Variants in ATRNL1 observed in about 807,000 individuals in gnomAD.
ATRNL1 encodes attractin-like protein 1.
A neutral mutation model predicts 182.7 loss-of-function variants in ATRNL1; 95 were observed. The observed-to-expected ratio is 0.52, with a 90% CI of 0.44 to 0.62. The LOEUF (loss-of-function observed/expected upper bound fraction) is 0.62, where lower values mean the gene tolerates loss of function less well. Ranked by LOEUF, ATRNL1 falls within the 20% of genes least tolerant of loss-of-function variation. The pLI is 0.00. For synonymous variants in ATRNL1, 576 were observed against 568.3 expected (o/e 1.01, Z -0.19); for missense variants, 1,471 against 1,679.5 (o/e 0.88, Z 2.17).
At chr10:115,148,107 G>C (rs541320145) in intron 5 of ATRNL1, among the ~76,000 whole-genome samples, 1 of 152,208 alleles carries the variant, frequency 6.6e-6, no homozygotes, top group Admixed American at 6.5e-5. Flanking sequence ...CCATTTGTTT[G>C]TGTCCTCTTC....
intron 26 of ATRNL1, among the ~76,000 whole-genome samples, chr10:115,562,841 G>A (rs1164444181): frequency 1.3e-5 from 2 of 152,054 alleles, no homozygotes; most frequent in Non-Finnish European, 2.9e-5. Context: ...GCACAAATTG[G>A]GCTTAAGTTC....
chr10:115,488,241 G>A (rs1849122237), intron 24 of ATRNL1, among the ~76,000 whole-genome samples: 1 of 152,176 alleles, frequency 6.6e-6, no homozygotes, highest in African/African-American at 2.4e-5. Context: ...CTCTTAAAAT[G>A]AGTTAGGGAG....
chr10:115,730,258 A>C (rs1406419255), intron 27 of ATRNL1, among the ~76,000 whole-genome samples: 2 of 55,678 alleles, frequency 3.6e-5, no homozygotes, highest in African/African-American at 6.5e-5. Flanking sequence ...CTCCTCAAAA[A>C]AAAAAAAAAA....
intron 1 of ATRNL1, among the ~76,000 whole-genome samples, chr10:115,099,722 TC>T (rs1843691764): frequency 6.6e-6 from 1 of 152,226 alleles, no homozygotes; most frequent in Admixed American, 6.5e-5. Context: ...TTACTTGCCA[TC>T]CGTATATCTT....
At chr10:115,150,724 A>T (rs1846185527) in intron 5 of ATRNL1, among the ~76,000 whole-genome samples, 2 of 151,712 alleles carry the variant, frequency 1.3e-5, no homozygotes, top group South Asian at 4.1e-4. Context: ...ATTTTTTTTG[A>T]AGTTTTTTTA....
intron 24 of ATRNL1, among the ~76,000 whole-genome samples, chr10:115,479,429 C>T (rs1196820325): frequency 2.0e-5 from 3 of 151,538 alleles, no homozygotes; most frequent in South Asian, 2.1e-4. Flanking sequence ...GCCATTTAAA[C>T]ATATTATTTG....
At chr10:115,591,568 A>G (rs1404460336) in intron 26 of ATRNL1, among the ~76,000 whole-genome samples, 1 of 152,188 alleles carries the variant, frequency 6.6e-6, no homozygotes, top group Non-Finnish European at 1.5e-5. Context: ...ATCATTTTTA[A>G]CCCATGTTAC....
chr10:115,843,701 T>C (rs1249092167), intron 27 of ATRNL1, among the ~76,000 whole-genome samples: 1 of 152,056 alleles, frequency 6.6e-6, no homozygotes, highest in Admixed American at 6.6e-5. Context: ...ATGTAGGGAA[T>C]GTCATTTTGG....
intron 27 of ATRNL1, among the ~76,000 whole-genome samples, chr10:115,834,645 T>G (rs1950629070): frequency 6.6e-6 from 1 of 152,192 alleles, no homozygotes; most frequent in Non-Finnish European, 1.5e-5. Context: ...TGTTGTCGGA[T>G]TTGGAATCTG....
chr10:115,841,614 C>A (rs1024114052), intron 27 of ATRNL1, among the ~76,000 whole-genome samples: 5 of 152,182 alleles, frequency 3.3e-5, no homozygotes, highest in Admixed American at 2.0e-4. Flanking sequence ...GCTTCTAATG[C>A]AATTTAACCC....
chr10:115,479,239 T>C (rs1366775416), intron 24 of ATRNL1, among the ~76,000 whole-genome samples: 1 of 151,628 alleles, frequency 6.6e-6, no homozygotes, highest in Non-Finnish European at 1.5e-5. Flanking sequence ...GTTCCTAAAT[T>C]ATATGTGTTG....
chr10:115,134,870 G>A (rs1290839699), intron 5 of ATRNL1, among the ~76,000 whole-genome samples: 6 of 152,252 alleles, frequency 3.9e-5, no homozygotes, highest in African/African-American at 1.4e-4. Context: ...GAGATGCAAG[G>A]CTAGTTCAAC....
intron 17 of ATRNL1, among the ~76,000 whole-genome samples, chr10:115,305,758 G>A (rs116212221): frequency 0.012 from 1,787 of 152,206 alleles, 34 homozygotes; most frequent in African/African-American, 0.04. Flanking sequence ...TTAGAAATGC[G>A]TATTTAGGTG....
intron 1 of ATRNL1, among the ~76,000 whole-genome samples, chr10:115,094,351 A>C (rs1353016139): frequency 6.6e-6 from 1 of 152,208 alleles, no homozygotes; most frequent in African/African-American, 2.4e-5. Context: ...TTTCACAATC[A>C]GTTATGATGC....
At chr10:115,170,204 C>T (rs1847234854) in intron 7 of ATRNL1, among the ~76,000 whole-genome samples, 1 of 152,090 alleles carries the variant, frequency 6.6e-6, no homozygotes. Context: ...TATCTTGTTC[C>T]TGACCTTAGG....
chr10:115,839,458 A>T (rs1392838983), intron 27 of ATRNL1, among the ~76,000 whole-genome samples: 1 of 152,146 alleles, frequency 6.6e-6, no homozygotes, highest in East Asian at 1.9e-4. Flanking sequence ...GCCTCTTCTC[A>T]TCCCTCTTTA....
chr10:115,563,666 T>G (rs1592857930), intron 26 of ATRNL1, among the ~76,000 whole-genome samples: 1 of 152,182 alleles, frequency 6.6e-6, no homozygotes, highest in African/African-American at 2.4e-5. Context: ...TTTCTGAAAA[T>G]AAATTTAGTC....
At chr10:115,522,251 G>A (rs1437831152) in intron 25 of ATRNL1, among the ~76,000 whole-genome samples, 2 of 152,174 alleles carry the variant, frequency 1.3e-5, no homozygotes, top group East Asian at 1.9e-4. Context: ...TGTGCTGGCT[G>A]TACAAGAAGT....
intron 26 of ATRNL1, among the ~76,000 whole-genome samples, chr10:115,567,977 G>T (rs1420442820): frequency 6.6e-6 from 1 of 151,958 alleles, no homozygotes; most frequent in Non-Finnish European, 1.5e-5. Flanking sequence ...TTATCTAGTT[G>T]TTATTCTACT....
Sources: gnomAD v4.1 joint callset for allele counts (sites outside exome capture counted in the v4.1 genomes callset) on GRCh38, gnomAD v4.1.1 for gene constraint, MANE v1.5 for transcripts, NCBI Gene and HGNC (gene_info 2026-07-23, HGNC 2026-07-21) for gene names.